GARRE1: variants seen among roughly 807,000 people sequenced by gnomAD.
GARRE1 encodes granule associated Rac and RHOG effector 1, also known as granule associated Rac and RHOG effector protein 1.
Under a neutral mutation model 103.2 loss-of-function variants are expected in GARRE1, and 49 were observed. The observed-to-expected ratio is 0.47, with a 90% CI of 0.38 to 0.60. The LOEUF (loss-of-function observed/expected upper bound fraction) is 0.60. Ranked by LOEUF, GARRE1 falls within the 20% of genes least tolerant of loss-of-function variation. GARRE1 has a pLI of 0.00. For missense variants in GARRE1, 1,199 were observed against 1,370.5 expected (o/e 0.87, Z 1.98); for synonymous variants, 505 against 532.8 (o/e 0.95, Z 0.72).
In GARRE1 at chr19:34,341,657, G is replaced by A. The variant is rs769875704; in HGVS notation, c.1723G>A (p.Glu575Lys). Residue 575 changes from glutamate to lysine, a missense_variant, in exon 10 of 14, where the codon GAA becomes AAA. Glu to Lys is a moderately conservative substitution (Grantham distance 56). Coordinates refer to ENST00000299505, the MANE Select transcript of GARRE1 (RefSeq NM_014686.5). ...SKNIFIAGCS[E>K]EKAKMPGNID... ...AAACATCTTCATAGCTGGATGTTCC[G>A]AAGAGAAGGCCAAAATGCCTGGCAA... 6.2e-6 allele frequency: 10 copies of A among 1,614,002 alleles called. No individual in the cohort carries two copies. The highest frequency in any genetic ancestry group is 4.0e-5 in the African/African-American group (3 of 74,902).
Position 34,351,510 on chromosome 19 carries a change from G to C in GARRE1, c.2826-4G>C, listed in dbSNP as rs764896525. On this transcript the variant is annotated splice_polypyrimidine_tract_variant and splice_region_variant and intron_variant, in intron 12 of 13. Transcript: ENST00000299505. Reference sequence around the variant, plus strand: ...TCACTGCCCTGAGCTCTTGGTTCTTGCAGGAAACACAGCAGTGGAGAGCAA... The same window carrying C: ...TCACTGCCCTGAGCTCTTGGTTCTTCCAGGAAACACAGCAGTGGAGAGCAA... The C allele has an allele frequency of 1.9e-6, 3 of 1,613,118 alleles. No individual in the cohort carries two copies. The South Asian group carries it at 3.3e-5, about 18-fold the overall frequency.
intron 1 of GARRE1, among the ~76,000 whole-genome samples, chr19:34,288,340 G>A (rs2073898607): frequency 6.6e-6 from 1 of 152,160 alleles, no homozygotes. Flanking sequence ...AAAGGAAACT[G>A]TGACTCTTCC....
At chr19:34,350,805 T>C (rs1901917234) in intron 12 of GARRE1, among the ~76,000 whole-genome samples, 1 of 152,020 alleles carries the variant, frequency 6.6e-6, no homozygotes, top group Admixed American at 6.6e-5. Flanking sequence ...ATGGTCTTGA[T>C]CTCCTGACCT....
chr19:34,288,568 C>T (rs2145228953), intron 1 of GARRE1, among the ~76,000 whole-genome samples: 1 of 152,310 alleles, frequency 6.6e-6, no homozygotes, highest in South Asian at 2.1e-4. Flanking sequence ...CTGTATTTTC[C>T]CCTACATTTC....
intron 13 of GARRE1, 47 bp from the exon 14 acceptor site, chr19:34,352,600 T>A (rs1193863796): frequency 6.7e-7 from 1 of 1,500,588 alleles, no homozygotes; most frequent in Admixed American, 1.7e-5. Flanking sequence ...TGGGAAATGA[T>A]GATACATTGC....
intron 1 of GARRE1, among the ~76,000 whole-genome samples, chr19:34,268,383 C>A (rs2073765580): frequency 6.6e-6 from 1 of 152,140 alleles, no homozygotes; most frequent in Admixed American, 6.5e-5. Context: ...TTCGTTGTTT[C>A]TTCTTCCTTT....
At chr19:34,263,784 G>A (rs955326863) in intron 1 of GARRE1, among the ~76,000 whole-genome samples, 4 of 152,154 alleles carry the variant, frequency 2.6e-5, no homozygotes, top group African/African-American at 9.6e-5. Context: ...ACCGCACCCG[G>A]TCTATGTTTT....
chr19:34,337,302 A>C (rs2074165520), intron 8 of GARRE1, among the ~76,000 whole-genome samples: 1 of 152,184 alleles, frequency 6.6e-6, no homozygotes, highest in Non-Finnish European at 1.5e-5. Context: ...AGGGGGAGAC[A>C]GCTGTTAAGT....
intron 1 of GARRE1, among the ~76,000 whole-genome samples, chr19:34,286,148 T>A (rs181178827): frequency 7.7e-4 from 117 of 152,204 alleles, no homozygotes; most frequent in Admixed American, 2.0e-3. Flanking sequence ...TGAAACCCTG[T>A]TTCAAAACAA....
At chr19:34,313,630 A>G (rs1236110439) in intron 2 of GARRE1, among the ~76,000 whole-genome samples, 6 of 152,220 alleles carry the variant, frequency 3.9e-5, no homozygotes, top group Non-Finnish European at 8.8e-5. Context: ...TAATCAGTTT[A>G]TCAATAGTAT....
chr19:34,314,171 T>C (rs1007272269), intron 2 of GARRE1, among the ~76,000 whole-genome samples: 12 of 152,180 alleles, frequency 7.9e-5, no homozygotes, highest in African/African-American at 2.9e-4. Flanking sequence ...TTGAGTGGCC[T>C]TTCATTTTTT....
intron 1 of GARRE1, among the ~76,000 whole-genome samples, chr19:34,288,017 A>C (rs1054608853): frequency 9.2e-5 from 14 of 152,148 alleles, no homozygotes; most frequent in Admixed American, 2.6e-4. Context: ...ACATAGGTGC[A>C]TAGTGGGTAG....
chr19:34,284,801 A>T (rs972433537), intron 1 of GARRE1, among the ~76,000 whole-genome samples: 1 of 152,248 alleles, frequency 6.6e-6, no homozygotes, highest in Non-Finnish European at 1.5e-5. Flanking sequence ...AATGGTTTGA[A>T]CATATTTTAG....
chr19:34,337,840 C>T (rs1669267), intron 8 of GARRE1, among the ~76,000 whole-genome samples: 1,851 of 152,296 alleles, frequency 0.012, 37 homozygotes, highest in African/African-American at 0.043. Flanking sequence ...AAATGCTCTC[C>T]TAGTGGGCAA....
intron 2 of GARRE1, among the ~76,000 whole-genome samples, chr19:34,301,239 C>T (rs1294032837): frequency 2.0e-5 from 3 of 152,116 alleles, no homozygotes; most frequent in Non-Finnish European, 4.4e-5. Flanking sequence ...TTTGAGGCAT[C>T]ATAGTGAGAC....
rs796071450 is a variant in GARRE1 at position 34,328,195 on chromosome 19, A to G, written c.1104+44A>G. Reference sequence around the variant, plus strand: ...CCAGCAAATGAGTGTGAACTTGAAAATAGAGTTCTTAAGAGAAATGTAAAG... The same window carrying G: ...CCAGCAAATGAGTGTGAACTTGAAAGTAGAGTTCTTAAGAGAAATGTAAAG... On this transcript the variant is annotated intron_variant, in intron 6 of 13. Transcript: ENST00000299505. 20 of 1,596,994 alleles carry G rather than the reference A, an allele frequency of 1.3e-5. 1 individual carries two copies. The African/African-American group carries it at 2.7e-4, about 21-fold the overall frequency.
intron 1 of GARRE1, among the ~76,000 whole-genome samples, chr19:34,289,774 A>C (rs1344168390): frequency 6.6e-6 from 1 of 151,978 alleles, no homozygotes; most frequent in Admixed American, 6.6e-5. Context: ...TTATTTCAGG[A>C]TTTGTTACTG....
chr19:34,294,894 C>T (rs1355972005), intron 1 of GARRE1, among the ~76,000 whole-genome samples: 1 of 152,126 alleles, frequency 6.6e-6, no homozygotes, highest in East Asian at 1.9e-4. Context: ...CCAAGCTGGC[C>T]TTGAACCCCT....
rs2073972499 is a variant in GARRE1, at chr19:34,300,569, C to T, written c.96C>T (p.Tyr32=). 1 of 1,613,500 alleles carries T rather than the reference C, an allele frequency of 6.2e-7. No individual in the cohort carries two copies. The highest frequency in any genetic ancestry group is 8.5e-7 in the Non-Finnish European group (1 of 1,180,020). The change falls in exon 2 of 14, where the codon TAC becomes TAT. Residue 32 remains tyrosine, a synonymous_variant. Coordinates refer to ENST00000299505, the MANE Select transcript of GARRE1 (RefSeq NM_014686.5). ...SKQKVQQHQQ[Y]PMPELGRALS... ...AGAAGGTGCAGCAGCACCAGCAATA[C>T]CCGATGCCTGAGCTGGGCCGAGCAC... is the stretch of plus-strand genomic sequence containing the variant.
Sources: gnomAD v4.1 joint callset for allele counts (sites outside exome capture counted in the v4.1 genomes callset) on GRCh38, gnomAD v4.1.1 for gene constraint, MANE v1.5 for transcripts, NCBI Gene and HGNC (gene_info 2026-07-23, HGNC 2026-07-21) for gene names.